ZNF880: variants seen among roughly 807,000 people sequenced by gnomAD.
The protein encoded by ZNF880 is zinc finger protein 880.
A neutral mutation model predicts 11.8 loss-of-function variants in ZNF880; 12 were observed. The ratio of observed to expected loss-of-function variants is 1.02; its 90% CI spans 0.65 to 1.65. The LOEUF is 1.65. Ranked by LOEUF, ZNF880 falls within the 40% of genes most tolerant of loss-of-function variation. The pLI, the probability that ZNF880 is intolerant of heterozygous loss-of-function variation, is 0.00. For synonymous variants in ZNF880, 210 were observed against 232.4 expected, an observed-to-expected ratio of 0.90 and a Z score of 0.88; for missense variants, 601 against 673.9, an observed-to-expected ratio of 0.89 and a Z score of 1.20.
rs780020486 is a variant in ZNF880, at chr19:52,385,366, ATAAT to A, written c.*54_*57del. The A allele has an allele frequency of 4.5e-5, 69 of 1,522,554 alleles. No homozygotes were observed. Among genetic ancestry groups the A allele is most frequent in the East Asian group, 2.7e-4 (11 of 40,514 alleles). 94.3% of individuals were successfully genotyped at this position (1,522,554 alleles called of 1,614,324 possible). ...TAATTCACACCTTGCACAGCATGAG[ATAAT>A]TCATTCATGAGAGAGTTCTTACAAA... On this transcript the variant is annotated 3_prime_UTR_variant, in exon 4 of 4. Coordinates refer to ENST00000422689, the MANE Select transcript of ZNF880 (RefSeq NM_001145434.2).
chr19:52,373,752 C>T (rs1229563333), intron 2 of ZNF880, among the ~76,000 whole-genome samples: 1 of 141,870 alleles, frequency 7.0e-6, no homozygotes, highest in East Asian at 2.0e-4. Flanking sequence ...CAGCTCAATG[C>T]AACCTCCGCC....
At chr19:52,368,617 G>A (rs1340630039), upstream of ZNF880, among the ~76,000 whole-genome samples, 2 of 152,086 alleles carry the variant, frequency 1.3e-5, no homozygotes, top group African/African-American at 4.8e-5. Context: ...GGGTAGGGCT[G>A]GGGCGGGGAT....
chr19:52,369,000 A>T (rs867151014), upstream of ZNF880, among the ~76,000 whole-genome samples: 861 of 131,290 alleles, frequency 6.6e-3, 6 homozygotes, highest in Middle Eastern at 0.06. Flanking sequence ...AAAAAAAAAA[A>T]GTTGTGACCT....
At chr19:52,373,015 G>A in intron 1 of ZNF880, 96 bp from the exon 2 acceptor site, 2 of 1,295,274 alleles carry the variant, frequency 1.5e-6, no homozygotes, top group Non-Finnish European at 2.2e-6. Context: ...CCTTAACGTG[G>A]ATTTGTCAGA....
intron 1 of ZNF880, chr19:52,370,407 C>T (rs1986331189): frequency 5.7e-6 from 1 of 175,652 alleles, no homozygotes. Flanking sequence ...ATGTTTCAGC[C>T]TCCATTGGGC....
intron 3 of ZNF880, among the ~76,000 whole-genome samples, chr19:52,375,714 A>T (rs1352845262): frequency 2.0e-5 from 3 of 151,082 alleles, no homozygotes; most frequent in South Asian, 2.1e-4. Context: ...TCCCAGTTTA[A>T]CTCCCACTTA....
chr19:52,370,107 G>A (rs913949702), intron 1 of ZNF880, 130 bp downstream of exon 1: 40 of 1,212,928 alleles, frequency 3.3e-5, no homozygotes, highest in Non-Finnish European at 4.5e-5. Context: ...AAACTCAGAC[G>A]TTCTAATGAG....
At chr19:52,393,564 A>G in the ZNF880 span, among the ~76,000 whole-genome samples, 2 of 152,118 alleles carry the variant, frequency 1.3e-5, no homozygotes, top group African/African-American at 4.8e-5. Flanking sequence ...GTTGTTGGTC[A>G]GATGTTTTAG....
chr19:52,385,554 G>T lies in ZNF880; in HGVS notation c.*240G>T. 2.1e-6 allele frequency: 1 copy of T among 479,814 alleles called. No individual in the cohort carries two copies. Among genetic ancestry groups the T allele is most frequent in the Non-Finnish European group, 3.7e-6 (1 of 270,844 alleles). 29.7% of individuals were successfully genotyped at this position (479,814 alleles called of 1,614,324 possible). On this transcript the variant is annotated 3_prime_UTR_variant, in exon 4 of 4. Coordinates refer to ENST00000422689, the MANE Select transcript of ZNF880 (RefSeq NM_001145434.2). ...ACATCTTGGATGAAACCATACAGATGGATTATGTATGCTGAGGCTATTATT... is the reference window on the plus strand; with the variant it reads ...ACATCTTGGATGAAACCATACAGATTGATTATGTATGCTGAGGCTATTATT...
chr19:52,392,000 T>C, the ZNF880 span, among the ~76,000 whole-genome samples: 1 of 152,188 alleles, frequency 6.6e-6, no homozygotes, highest in East Asian at 1.9e-4. Flanking sequence ...AAACTGGGTG[T>C]TCTCTAATTG....
chr19:52,373,669 A>ATTCTTTTTTTT (rs1986461292), intron 2 of ZNF880, among the ~76,000 whole-genome samples: 5 of 102,580 alleles, frequency 4.9e-5, no homozygotes, highest in African/African-American at 1.5e-4. Context: ...AAATACTGTA[A>ATTCTTTTTTTT]TTTTTTTTTT....
chr19:52,396,547 C>T, the ZNF880 span: 119 of 152,304 alleles, frequency 7.8e-4, 1 homozygote, highest in Non-Finnish European at 1.2e-3. Context: ...CTTCAGGTGA[C>T]CCCACTGTCT....
chr19:52,384,699 C>G lies in ZNF880; in HGVS notation c.1119C>G (p.Ile373Met). Residue 373 changes from isoleucine (I) to methionine (M), a missense_variant, in exon 4 of 4, where the codon ATC (isoleucine) becomes ATG (methionine). Physicochemically the swap from Ile to Met is conservative, Grantham distance 10 (BLOSUM62 1). Around this residue, in one of 3 missense-constraint regions of ZNF880, gnomAD observed 420 missense variants for 442.6 expected, o/e 0.95. Transcript: ENST00000422689. The stretch of plus-strand genomic sequence containing the variant: ...CACACCTTACCAGACATCAAAGAAT[C>G]CATACTGGAGAGAAACCTTATGAAT... ...RNAHLTRHQR[I>M]HTGEKPYECK... is the part of the protein sequence containing the mutation. The G allele has an allele frequency of 1.3e-6, 2 of 1,597,402 alleles. No homozygotes were observed. The highest frequency in any genetic ancestry group is 1.7e-6 in the Non-Finnish European group (2 of 1,173,004).
At chr19:52,386,202 G>A (rs917046180), downstream of ZNF880, among the ~76,000 whole-genome samples, 26 of 139,578 alleles carry the variant, frequency 1.9e-4, 2 homozygotes, top group Admixed American at 1.3e-3. Flanking sequence ...AGAAAAAGAA[G>A]CAGTATGATG....
downstream of ZNF880, among the ~76,000 whole-genome samples, chr19:52,386,666 G>A (rs185323483): frequency 7.0e-6 from 1 of 142,026 alleles, no homozygotes; most frequent in African/African-American, 2.8e-5. Flanking sequence ...GCTGAGCGTG[G>A]TGGTAGATGC....
chr19:52,373,263 C>T (rs766505867), intron 2 of ZNF880, 26 bp downstream of exon 2: 6 of 1,600,626 alleles, frequency 3.7e-6, no homozygotes, highest in Non-Finnish European at 4.3e-6. Flanking sequence ...CTTCAGAAGT[C>T]AAGATCTGCC....
chr19:52,391,094 G>A, the ZNF880 span: 1 of 152,438 alleles, frequency 6.6e-6, no homozygotes, highest in Non-Finnish European at 1.5e-5. Flanking sequence ...AGCAAGATAG[G>A]GAGAGGGGCA....
At position 52,384,605 on chromosome 19, in the gene ZNF880, A is replaced by G. The variant is rs1283141384; in HGVS notation, c.1025A>G (p.His342Arg). 4 of 1,613,036 alleles carry G rather than the reference A, an allele frequency of 2.5e-6. No individual in the cohort carries two copies. The highest frequency in any genetic ancestry group is 3.3e-5 in the Admixed American group (2 of 59,756). Residue 342 changes from histidine (H) to arginine (R), a missense_variant, in exon 4 of 4, where the codon CAT (histidine) becomes CGT (arginine). This residue lies in a region of ZNF880 where 420 missense variants were observed against 442.6 expected (regional missense o/e 0.95). Transcript: ENST00000422689. ...AFSGGSGLTA[H>R]LVIHTGEKLY... ...TCAGGGGGTTCAGGCCTTACTGCTC[A>G]TCTTGTAATTCACACTGGAGAGAAA... is the stretch of plus-strand genomic sequence containing the variant.
intron 1 of ZNF880, among the ~76,000 whole-genome samples, chr19:52,372,436 C>T (rs1225878448): frequency 2.7e-5 from 4 of 148,632 alleles, no homozygotes; most frequent in African/African-American, 7.4e-5. Context: ...TACAGGCGCC[C>T]GCCACTACGC....
Sources: allele counts gnomAD v4.1 joint callset (sites outside exome capture counted in the v4.1 genomes callset), GRCh38; gene constraint gnomAD v4.1.1; regional missense constraint gnomAD v4.1.1; transcripts MANE v1.5; gene names NCBI Gene and HGNC (gene_info 2026-07-23, HGNC 2026-07-21).